ZFAT: variants seen among roughly 807,000 people sequenced by gnomAD.
ZFAT encodes the protein zinc finger protein ZFAT.
In ZFAT, 64 loss-of-function variants were observed where a neutral mutation model predicts 117.7. That is an observed-to-expected ratio of 0.54 (90% confidence interval 0.44 to 0.67). ZFAT has a LOEUF of 0.67. Ranked by LOEUF, ZFAT falls within the 30% of genes least tolerant of loss-of-function variation. The probability of loss-of-function intolerance (pLI) is 0.00; values close to 1 mark genes in which losing one functional copy is unlikely to be tolerated. For missense variants in ZFAT, 1,433 were observed against 1,584.5 expected (o/e 0.90, Z 1.62); for synonymous variants, 679 against 615.0 (o/e 1.10, Z -1.54).
chr8:134,594,461 T>C (rs1366163280), intron 7 of ZFAT, among the ~76,000 whole-genome samples: 3 of 152,234 alleles, frequency 2.0e-5, no homozygotes, highest in Non-Finnish European at 4.4e-5. Context: ...TAAGATTTCT[T>C]TTGAATATGT....
the ZFAT span, among the ~76,000 whole-genome samples, chr8:134,761,518 G>T: frequency 2.0e-5 from 3 of 151,096 alleles, no homozygotes; most frequent in Middle Eastern, 3.2e-3. Flanking sequence ...TGGCCAACAT[G>T]GTGAAACCCC....
chr8:134,644,888 C>A (rs1433153823), intron 2 of ZFAT, among the ~76,000 whole-genome samples: 1 of 152,082 alleles, frequency 6.6e-6, no homozygotes, highest in African/African-American at 2.4e-5. Context: ...CACACTCAAA[C>A]GTGCCTATAT....
chr8:134,558,179 A>C (rs1823789634), intron 11 of ZFAT, among the ~76,000 whole-genome samples: 1 of 152,236 alleles, frequency 6.6e-6, no homozygotes, highest in African/African-American at 2.4e-5. Context: ...GGGTGGCAAG[A>C]GGCCAGAGTT....
chr8:134,623,311 C>T lies in ZFAT; in HGVS notation c.449-12656G>A, dbSNP rs544247985. On this transcript the variant is annotated intron_variant, in intron 3 of 15. Coordinates refer to ENST00000377838, the MANE Select transcript of ZFAT (RefSeq NM_020863.4). ...TCCCTGCTCTCCATCCCTGGACACT[C>T]CCCTGTGGGGGCCTCAGGAGGCTGC... Among the ~76,000 whole-genome samples the T allele has an allele frequency of 2.6e-5, 4 of 152,354 alleles. No homozygotes were observed. The East Asian group carries it at 7.7e-4, about 29-fold the overall frequency.
At chr8:134,714,107 G>GCCC (rs34806943), upstream of ZFAT, among the ~76,000 whole-genome samples, 22 of 94,414 alleles carry the variant, frequency 2.3e-4, no homozygotes, top group Non-Finnish European at 2.5e-4. Flanking sequence ...GCAAAGACAT[G>GCCC]CCCCCCCCCC....
At chr8:134,582,424 G>A (rs1825775081) in intron 10 of ZFAT, among the ~76,000 whole-genome samples, 1 of 152,224 alleles carries the variant, frequency 6.6e-6, no homozygotes, top group Non-Finnish European at 1.5e-5. Flanking sequence ...CAGTAGTTAT[G>A]TGCTATCATC....
chr8:134,524,371 C>T (rs887944187), intron 12 of ZFAT, among the ~76,000 whole-genome samples: 1 of 152,218 alleles, frequency 6.6e-6, no homozygotes, highest in African/African-American at 2.4e-5. Flanking sequence ...CCAGCATTCA[C>T]ATCTCCTCCA....
chr8:134,645,966 G>A (rs367588742), intron 2 of ZFAT, among the ~76,000 whole-genome samples: 2 of 152,146 alleles, frequency 1.3e-5, no homozygotes, highest in Non-Finnish European at 2.9e-5. Flanking sequence ...ACTTTGGGAG[G>A]CCGAGGCGGG....
At chr8:134,524,274 A>G (rs184272370) in intron 12 of ZFAT, among the ~76,000 whole-genome samples, 1 of 152,108 alleles carries the variant, frequency 6.6e-6, no homozygotes, top group Non-Finnish European at 1.5e-5. Flanking sequence ...GATTCTGTGG[A>G]GTCTCCACTT....
chr8:134,690,225 G>T (rs1453364501), intron 1 of ZFAT, among the ~76,000 whole-genome samples: 1 of 152,172 alleles, frequency 6.6e-6, no homozygotes, highest in Non-Finnish European at 1.5e-5. Context: ...GTAGGAGAAG[G>T]CTTCCACCAC....
intron 1 of ZFAT, among the ~76,000 whole-genome samples, chr8:134,699,852 T>C (rs1833964292): frequency 6.6e-6 from 1 of 152,198 alleles, no homozygotes; most frequent in Non-Finnish European, 1.5e-5. Flanking sequence ...GTGCTAGAGC[T>C]TCATGCTGTC....
chr8:134,731,695 G>C, the ZFAT span, among the ~76,000 whole-genome samples: 2 of 152,182 alleles, frequency 1.3e-5, no homozygotes. Context: ...TTTTAAAAAG[G>C]GTTTTCAATA....
intron 15 of ZFAT, among the ~76,000 whole-genome samples, chr8:134,488,129 T>A (rs761816053): frequency 4.0e-5 from 6 of 151,270 alleles, no homozygotes; most frequent in Non-Finnish European, 5.9e-5. Context: ...TAGGGAAGAG[T>A]GGAGGTCTGA....
chr8:134,800,078 T>C, the ZFAT span, among the ~76,000 whole-genome samples: 1 of 152,176 alleles, frequency 6.6e-6, no homozygotes, highest in African/African-American at 2.4e-5. Context: ...AACAAATGTC[T>C]GATGTCAAAG....
chr8:134,739,844 G>A, the ZFAT span, among the ~76,000 whole-genome samples: 1 of 152,218 alleles, frequency 6.6e-6, no homozygotes, highest in Non-Finnish European at 1.5e-5. Context: ...TTGCCTGGGG[G>A]CTTTCTCTGG....
intron 11 of ZFAT, among the ~76,000 whole-genome samples, chr8:134,552,641 T>C (rs1205623132): frequency 1.3e-5 from 2 of 152,204 alleles, no homozygotes; most frequent in African/African-American, 2.4e-5. Flanking sequence ...AGCATACTCA[T>C]CTATACCAAA....
intron 11 of ZFAT, among the ~76,000 whole-genome samples, chr8:134,541,765 T>C (rs879925423): frequency 8.5e-5 from 13 of 152,176 alleles, no homozygotes; most frequent in African/African-American, 2.4e-4. Context: ...AAATATGTCA[T>C]CAACTCACAT....
chr8:134,601,910 G>C lies in ZFAT; in HGVS notation c.1809C>G (p.Thr603=), dbSNP rs1827501555. 6.2e-7 allele frequency: 1 copy of C among 1,614,088 alleles called. No individual in the cohort carries two copies. The highest frequency in any genetic ancestry group is 8.5e-7 in the Non-Finnish European group (1 of 1,179,988). The change falls in exon 6 of 16, where the codon ACC becomes ACG. Residue 603 remains threonine (T), a synonymous_variant. Transcript: ENST00000377838. ...GAGCAGCATGAGCCTCTGCGGAGGA[G>C]GTATCATTTTTCAACAAAAAATCAT... ...VSDDFLLKND[T]SSAEAHAAPE... is the part of the protein sequence containing the mutation.
At chr8:134,730,512 G>A in the ZFAT span, among the ~76,000 whole-genome samples, 3 of 152,150 alleles carry the variant, frequency 2.0e-5, no homozygotes, top group Non-Finnish European at 4.4e-5. Context: ...AACATCCTCC[G>A]TGTTCAGGAA....
Sources: gnomAD v4.1 joint callset for allele counts (sites outside exome capture counted in the v4.1 genomes callset) on GRCh38, gnomAD v4.1.1 for gene constraint, MANE v1.5 for transcripts, NCBI Gene and HGNC (gene_info 2026-07-23, HGNC 2026-07-21) for gene names.